The following SPIRE1 variants were observed in gnomAD, a reference collection of about 807,000 sequenced individuals.
The protein encoded by SPIRE1 is protein spire homolog 1.
A neutral mutation model predicts 94.1 loss-of-function variants in SPIRE1; 40 were observed. That is an observed-to-expected ratio of 0.43 (90% CI 0.33 to 0.55). SPIRE1 has a LOEUF of 0.55. Among genes scored for constraint, SPIRE1 ranks in the 20% least tolerant of loss-of-function variants. The probability of loss-of-function intolerance (pLI) is 0.06; values close to 1 mark genes in which losing one functional copy is unlikely to be tolerated. For missense variants in SPIRE1, 838 were observed against 975.2 expected (o/e 0.86, Z 1.87); for synonymous variants, 376 against 371.7 (o/e 1.01, Z -0.13).
chr18:12,596,780 C>A (rs2036681987), intron 2 of SPIRE1, among the ~76,000 whole-genome samples: 1 of 152,046 alleles, frequency 6.6e-6, no homozygotes, highest in Admixed American at 6.6e-5. Flanking sequence ...TGACAAAATA[C>A]AGTTGGGAAA....
At chr18:12,527,755 CCT>C (rs2034563742) in intron 4 of SPIRE1, among the ~76,000 whole-genome samples, 2 of 152,088 alleles carry the variant, frequency 1.3e-5, no homozygotes, top group South Asian at 4.2e-4. Flanking sequence ...ATTCTATTCT[CCT>C]CTGTTTCTTC....
At chr18:12,491,450 G>C (rs2033229813) in intron 8 of SPIRE1, among the ~76,000 whole-genome samples, 1 of 151,842 alleles carries the variant, frequency 6.6e-6, no homozygotes, top group African/African-American at 2.4e-5. Flanking sequence ...CAGTGGAACA[G>C]AACAAAGAGT....
intron 6 of SPIRE1, among the ~76,000 whole-genome samples, chr18:12,496,634 C>T (rs1244308987): frequency 6.6e-6 from 1 of 152,176 alleles, no homozygotes; most frequent in Non-Finnish European, 1.5e-5. Context: ...CTTCGGGAGG[C>T]CGAGACGGGC....
At chr18:12,614,618 C>A (rs1324223925) in intron 2 of SPIRE1, among the ~76,000 whole-genome samples, 1 of 151,804 alleles carries the variant, frequency 6.6e-6, no homozygotes, top group African/African-American at 2.4e-5. Context: ...GAGTTCAAGA[C>A]CAGCATGGCC....
intron 3 of SPIRE1, among the ~76,000 whole-genome samples, chr18:12,545,918 A>C (rs2035148947): frequency 6.6e-6 from 1 of 152,212 alleles, no homozygotes; most frequent in African/African-American, 2.4e-5. Flanking sequence ...GTTATGATTC[A>C]ATCATAAATG....
intron 2 of SPIRE1, among the ~76,000 whole-genome samples, chr18:12,597,854 CA>C (rs1177591891): frequency 6.6e-6 from 1 of 152,186 alleles, no homozygotes; most frequent in Non-Finnish European, 1.5e-5. Flanking sequence ...CACATGACTG[CA>C]TAGCTGGGTG....
Position 12,449,684 on chromosome 18 carries a change from C to A in SPIRE1, c.2225G>T (p.Gly742Val). Residue 742 changes from glycine to valine, a missense_variant, in exon 17 of 17, where the codon GGC (glycine) becomes GTC (valine). This residue lies in a region of SPIRE1 where 645 missense variants were observed against 804.7 expected (regional missense o/e 0.80). Transcript: ENST00000409402. ...CTCTGAAGGGCAGTACTCCGAGGGG[C>A]CTGGCGAGGACATGTAGAAAGACTG... ...KTQSFYMSSP[G>V]PSEYCPSERT... is the part of the protein sequence containing the mutation. 6.2e-7 allele frequency: 1 copy of A among 1,614,164 alleles called. No individual in the cohort carries two copies. The highest frequency in any genetic ancestry group is 8.5e-7 in the Non-Finnish European group (1 of 1,180,036).
At chr18:12,456,311 C>T (rs1351783672) in intron 12 of SPIRE1, among the ~76,000 whole-genome samples, 8 of 152,274 alleles carry the variant, frequency 5.3e-5, no homozygotes, top group South Asian at 4.1e-4. Flanking sequence ...GAACAATAAA[C>T]GGCCTTTTTG....
intron 7 of SPIRE1, among the ~76,000 whole-genome samples, chr18:12,495,568 T>G (rs912974306): frequency 2.0e-5 from 3 of 152,202 alleles, no homozygotes; most frequent in African/African-American, 7.2e-5. Flanking sequence ...TATTAAATAA[T>G]TTTAAGATTT....
At chr18:12,588,978 AC>A (rs2036459560) in intron 2 of SPIRE1, among the ~76,000 whole-genome samples, 1 of 152,122 alleles carries the variant, frequency 6.6e-6, no homozygotes, top group Non-Finnish European at 1.5e-5. Flanking sequence ...CATTCTCAGA[AC>A]CTAGGAGAGG....
At chr18:12,574,152 G>A (rs1000249570) in intron 2 of SPIRE1, among the ~76,000 whole-genome samples, 1 of 152,210 alleles carries the variant, frequency 6.6e-6, no homozygotes, top group Non-Finnish European at 1.5e-5. Flanking sequence ...AATAACAGGA[G>A]AAAGTGACTT....
At chr18:12,587,824 G>A (rs2036429456) in intron 2 of SPIRE1, among the ~76,000 whole-genome samples, 2 of 152,228 alleles carry the variant, frequency 1.3e-5, no homozygotes, top group South Asian at 2.1e-4. Context: ...AAACTCTGAA[G>A]GCTTTCTTAA....
chr18:12,479,865 G>A lies in SPIRE1; in HGVS notation c.1238C>T (p.Thr413Ile). 1 of 1,611,698 alleles carries A rather than the reference G, an allele frequency of 6.2e-7. No individual in the cohort carries two copies. The highest frequency in any genetic ancestry group is 1.1e-5 in the South Asian group (1 of 90,512). ...AAGATTCTTTGTAGATTCAGGGGTA[G>A]TCACATCTGGTAAAAAAGCAAAAGC... ...MSYSFDLSDV[T>I]TPESTKNLVE... is the part of the protein sequence containing the mutation. The change falls in exon 10 of 17, where the codon ACT becomes ATT. Residue 413 changes from threonine (T) to isoleucine (I), a missense_variant. By Grantham distance (89) the Thr-to-Ile change is moderately conservative (BLOSUM62 -1). Around this residue, in one of 2 missense-constraint regions of SPIRE1, gnomAD observed 645 missense variants for 804.7 expected, o/e 0.80. Transcript: ENST00000409402.
At chr18:12,560,023 ACAAAT>A (rs1273961685) in intron 2 of SPIRE1, among the ~76,000 whole-genome samples, 1 of 152,256 alleles carries the variant, frequency 6.6e-6, no homozygotes, top group East Asian at 1.9e-4. Flanking sequence ...TCAGAGTAAT[ACAAAT>A]CAAAACTACA....
chr18:12,602,063 G>A (rs2036848687), intron 2 of SPIRE1, among the ~76,000 whole-genome samples: 1 of 152,086 alleles, frequency 6.6e-6, no homozygotes, highest in African/African-American at 2.4e-5. Flanking sequence ...TTCACAGTGT[G>A]TGCGCATGTC....
intron 7 of SPIRE1, among the ~76,000 whole-genome samples, chr18:12,494,062 A>G (rs1189117807): frequency 6.6e-6 from 1 of 151,904 alleles, no homozygotes; most frequent in Non-Finnish European, 1.5e-5. Context: ...ATGCCACTGC[A>G]CACGGCTAAT....
chr18:12,466,238 G>C (rs754806155), intron 10 of SPIRE1, among the ~76,000 whole-genome samples: 5 of 151,914 alleles, frequency 3.3e-5, no homozygotes, highest in Non-Finnish European at 5.9e-5. Context: ...AATACTATGC[G>C]AGATAAACAT....
intron 2 of SPIRE1, among the ~76,000 whole-genome samples, chr18:12,554,296 CAAAAAAAAAAA>C (rs35637714): frequency 1.8e-5 from 1 of 56,364 alleles, no homozygotes; most frequent in Admixed American, 1.8e-4. Context: ...AGACTCTGTT[CAAAAAAAAAAA>C]AAAAAAAAAG....
intron 4 of SPIRE1, among the ~76,000 whole-genome samples, chr18:12,519,529 T>G (rs1306869947): frequency 6.6e-6 from 1 of 152,120 alleles, no homozygotes; most frequent in Non-Finnish European, 1.5e-5. Flanking sequence ...TTCACACCTA[T>G]AGAAATGCAG....
Sources: allele counts gnomAD v4.1 joint callset (sites outside exome capture counted in the v4.1 genomes callset), GRCh38; gene constraint gnomAD v4.1.1; regional missense constraint gnomAD v4.1.1; transcripts MANE v1.5; gene names NCBI Gene and HGNC (gene_info 2026-07-23, HGNC 2026-07-21).